The following CASP6 variants were observed in gnomAD, a reference collection of about 807,000 sequenced individuals.
CASP6 encodes the protein caspase-6.
Under a neutral mutation model 31.8 loss-of-function variants are expected in CASP6, and 20 were observed. That is an observed-to-expected ratio of 0.63 (90% confidence interval 0.44 to 0.91). The LOEUF is 0.91. CASP6 is among the 40% of genes least tolerant of loss of function. The pLI, the probability that CASP6 is intolerant of heterozygous loss-of-function variation, is 0.00. For missense variants in CASP6, 328 were observed against 361.1 expected (o/e 0.91, Z 0.74); for synonymous variants, 130 against 127.8 (o/e 1.02, Z -0.12).
the CASP6 span, among the ~76,000 whole-genome samples, chr4:109,668,699 T>G: frequency 2.1e-5 from 3 of 143,084 alleles, no homozygotes; most frequent in South Asian, 2.1e-4. Context: ...GTTGCCACTG[T>G]TTTTTTTTTT....
chr4:109,685,863 C>T (rs546295716), downstream of CASP6, among the ~76,000 whole-genome samples: 1 of 152,304 alleles, frequency 6.6e-6, no homozygotes, highest in East Asian at 1.9e-4. Flanking sequence ...TTCTTAAGTA[C>T]TTTTTCACAG....
chr4:109,703,020 C>T (rs1409251010), intron 1 of CASP6, among the ~76,000 whole-genome samples: 1 of 152,130 alleles, frequency 6.6e-6, no homozygotes, highest in Non-Finnish European at 1.5e-5. Flanking sequence ...GTGGGGACAG[C>T]CTTTTAAGGT....
intron 1 of CASP6, among the ~76,000 whole-genome samples, chr4:109,698,643 G>C (rs1331116491): frequency 6.6e-6 from 1 of 152,224 alleles, no homozygotes; most frequent in Non-Finnish European, 1.5e-5. Context: ...TAACAGTTCT[G>C]TGATTACGGA....
chr4:109,706,154 T>TATATATATATAC, upstream of CASP6, among the ~76,000 whole-genome samples: 1 of 90,988 alleles, frequency 1.1e-5, no homozygotes, highest in African/African-American at 6.6e-5. Flanking sequence ...TATATATATA[T>TATATATATATAC]ATATATATAT....
At chr4:109,684,298 G>A (rs537636174), downstream of CASP6, 822 of 566,950 alleles carry the variant, frequency 1.4e-3, 14 homozygotes, top group East Asian at 0.025. Flanking sequence ...TCCTGACCTC[G>A]TGATCCGCCC....
At position 109,697,557 on chromosome 4, in the gene CASP6, A is replaced by T. The variant is rs1561261586; in HGVS notation, c.230+65T>A. 3 of 1,526,116 alleles carry T rather than the reference A, an allele frequency of 2.0e-6. No homozygotes were observed. The South Asian group carries it at 4.0e-5, about 20-fold the overall frequency. 94.5% of individuals were successfully genotyped at this position (1,526,116 alleles called of 1,614,324 possible). A position where few individuals can be genotyped will look rare whatever the true frequency, so the allele number is the denominator to read the frequency against. ...GCTGGGATTACCAGCATGAACCACCACACCTGGCCAAAAGTAATTTTATCA... is the reference window on the plus strand; with the variant it reads ...GCTGGGATTACCAGCATGAACCACCTCACCTGGCCAAAAGTAATTTTATCA... On this transcript the variant is annotated intron_variant, in intron 3 of 6. Transcript: ENST00000265164.
intron 4 of CASP6, among the ~76,000 whole-genome samples, chr4:109,694,902 G>T (rs1259984125): frequency 6.6e-6 from 1 of 152,104 alleles, no homozygotes; most frequent in African/African-American, 2.4e-5. Flanking sequence ...GCGCGATCTT[G>T]GCTCACTGCA....
At chr4:109,669,698 G>GTT in the CASP6 span, among the ~76,000 whole-genome samples, 147 of 138,940 alleles carry the variant, frequency 1.1e-3, no homozygotes, top group African/African-American at 3.7e-3. Flanking sequence ...TTCTGTTCTG[G>GTT]TTTTTTTTTT....
chr4:109,674,143 G>C, the CASP6 span: 1 of 1,240,794 alleles, frequency 8.1e-7, no homozygotes, highest in South Asian at 1.2e-5. Flanking sequence ...ATGCTGCCTT[G>C]TTGGAGGAGC....
At chr4:109,690,253 C>G (rs868197632) in intron 6 of CASP6, among the ~76,000 whole-genome samples, 1 of 146,858 alleles carries the variant, frequency 6.8e-6, no homozygotes, top group Non-Finnish European at 1.5e-5. Flanking sequence ...AAAAAACGCA[C>G]GCACGCACGC....
At chr4:109,667,584 G>T in the CASP6 span, among the ~76,000 whole-genome samples, 1 of 147,858 alleles carries the variant, frequency 6.8e-6, no homozygotes, top group African/African-American at 2.5e-5. Context: ...CAATTTCATT[G>T]GTTTCTACTC....
intron 2 of CASP6, 39 bp from the exon 3 acceptor site, chr4:109,697,807 T>G (rs1350755411): frequency 1.3e-6 from 2 of 1,596,556 alleles, no homozygotes; most frequent in Middle Eastern, 3.3e-4. Context: ...CTTCAAGTCA[T>G]ATTAAATAAT....
At chr4:109,685,206 T>G, downstream of CASP6, 2 of 812,258 alleles carry the variant, frequency 2.5e-6, no homozygotes, top group Non-Finnish European at 4.2e-6. Context: ...GGCATTATGT[T>G]CATTCAAAAC....
the CASP6 span, among the ~76,000 whole-genome samples, chr4:109,676,074 G>A: frequency 6.6e-6 from 1 of 152,222 alleles, no homozygotes; most frequent in African/African-American, 2.4e-5. Context: ...TTGGAATTTG[G>A]TAATGGGCAA....
the CASP6 span, chr4:109,664,529 A>G: frequency 1.8e-6 from 1 of 557,978 alleles, no homozygotes; most frequent in Non-Finnish European, 3.2e-6. Flanking sequence ...GGCTCAAACA[A>G]TCCTCCCACC....
At chr4:109,680,601 C>T in the CASP6 span, among the ~76,000 whole-genome samples, 9 of 152,224 alleles carry the variant, frequency 5.9e-5, no homozygotes, top group African/African-American at 1.4e-4. Flanking sequence ...TTCTACAGAT[C>T]TCAAAGCCTA....
intron 5 of CASP6, among the ~76,000 whole-genome samples, chr4:109,691,317 C>T (rs1420306035): frequency 6.6e-6 from 1 of 152,104 alleles, no homozygotes; most frequent in African/African-American, 2.4e-5. Context: ...ACAGATTAAC[C>T]ACACCCAGGG....
chr4:109,690,367 T>TA (rs1037084892), intron 6 of CASP6, among the ~76,000 whole-genome samples: 2 of 151,118 alleles, frequency 1.3e-5, no homozygotes, highest in Non-Finnish European at 3.0e-5. Context: ...ACCGAAAAAT[T>TA]AAAAAGTTAG....
the CASP6 span, chr4:109,681,513 G>C: frequency 2.2e-6 from 1 of 448,884 alleles, no homozygotes. Context: ...CAAGCCTCGT[G>C]TTCTCTGACC....
Sources: allele counts gnomAD v4.1 joint callset (sites outside exome capture counted in the v4.1 genomes callset), GRCh38; gene constraint gnomAD v4.1.1; transcripts MANE v1.5; gene names NCBI Gene and HGNC (gene_info 2026-07-23, HGNC 2026-07-21).